The following ELF4 variants were observed in gnomAD, a reference collection of about 807,000 sequenced individuals.
The protein encoded by ELF4 is ETS-related transcription factor Elf-4.
In ELF4, 10 loss-of-function variants were observed where a neutral mutation model predicts 31.7. The observed-to-expected ratio is 0.32, with a 90% confidence interval of 0.19 to 0.54. ELF4 has a LOEUF of 0.54. ELF4 is among the 20% of genes least tolerant of loss of function. The pLI is 0.95. For synonymous variants in ELF4, 208 were observed against 226.7 expected, an observed-to-expected ratio of 0.92 and a Z score of 0.74; for missense variants, 418 against 522.0, an observed-to-expected ratio of 0.80 and a Z score of 1.94.
In ELF4 at chrX:130,072,387, T is replaced by G; in HGVS notation, c.371A>C (p.Asp124Ala). Residue 124 changes from aspartate to alanine, a missense_variant, in exon 5 of 9, where the codon GAC (aspartate) becomes GCC (alanine). By Grantham distance (126) the Asp-to-Ala change is moderately radical. Coordinates refer to ENST00000308167, the MANE Select transcript of ELF4 (RefSeq NM_001421.4). ...FSTSEMLPDSDPAPAVTLPNY... is the reference protein window; with the variant it reads ...FSTSEMLPDSAPAPAVTLPNY... ...GGGCAGAGTGACAGCTGGTGCAGGG[T>G]CCGAGTCTGGAAGCATTTCGGAGGT... 1 of 1,211,307 alleles carries G rather than the reference T, an allele frequency of 8.3e-7. No individual in the cohort carries two copies. The highest frequency in any genetic ancestry group is 1.1e-6 in the Non-Finnish European group (1 of 895,345).
intron 1 of ELF4, among the ~76,000 whole-genome samples, chrX:130,094,412 C>G (rs1328377660): frequency 9.5e-6 from 1 of 105,603 alleles, no homozygotes; most frequent in Admixed American, 1.0e-4. Context: ...CAAAACAAAA[C>G]AAAAATTAGC....
upstream of ELF4, among the ~76,000 whole-genome samples, chrX:130,111,002 G>T (rs1267034160): frequency 2.1e-5 from 2 of 97,422 alleles, no homozygotes; most frequent in Non-Finnish European, 4.2e-5. Flanking sequence ...ACTGCGGGCG[G>T]GCGGGGTGGG....
chrX:130,097,815 G>A (rs189777895), intron 1 of ELF4, among the ~76,000 whole-genome samples: 7 of 113,043 alleles, frequency 6.2e-5, no homozygotes, highest in Admixed American at 2.8e-4. Flanking sequence ...TTGCCTTCAT[G>A]GTGGAGGGAG....
intron 3 of ELF4, 35 bp downstream of exon 3, chrX:130,074,546 C>T (rs780506016): frequency 1.7e-6 from 2 of 1,211,303 alleles, no homozygotes; most frequent in South Asian, 3.5e-5. Flanking sequence ...GCCCCTTTTT[C>T]TACCACACCT....
rs191481278 is a variant in ELF4, at chrX:130,099,161, G to A, written c.-210+11164C>T. On this transcript the variant is annotated intron_variant, in intron 1 of 8. Coordinates refer to ENST00000308167, the MANE Select transcript of ELF4 (RefSeq NM_001421.4). ...GGCTATGTAACCACAGGCACGCCAC[G>A]TCACAGGGCTCTCGCAGCCTCGGGC... Among the ~76,000 whole-genome samples the A allele has an allele frequency of 8.0e-5, 9 of 112,320 alleles. No homozygotes were observed. In the East Asian group the frequency reaches 1.1e-3, roughly 14 times the overall value.
rs1229675353 is a variant in ELF4, at chrX:130,067,059, T to C, written c.1654A>G (p.Thr552Ala). Residue 552 changes from threonine to alanine, a missense_variant, in exon 9 of 9, where the codon ACG (threonine) becomes GCG (alanine). By Grantham distance (58) the Thr-to-Ala change is moderately conservative. This residue lies in a region of ELF4 where 260 missense variants were observed against 269.2 expected (regional missense o/e 0.97). Coordinates refer to ENST00000308167, the MANE Select transcript of ELF4 (RefSeq NM_001421.4). ...RSSSYVQGMV[T>A]GAPMEGLLVP... Reference sequence around the variant, plus strand: ...AGCAGCCCCTCCATGGGGGCCCCCGTCACCATACCCTGAACATAGGAGGAG... The same window carrying C: ...AGCAGCCCCTCCATGGGGGCCCCCGCCACCATACCCTGAACATAGGAGGAG... 2.5e-6 allele frequency: 3 copies of C among 1,210,368 alleles called. No homozygotes were observed. The African/African-American group carries it at 5.2e-5, about 21-fold the overall frequency.
intron 1 of ELF4, among the ~76,000 whole-genome samples, chrX:130,097,922 C>T (rs939339549): frequency 1.8e-5 from 2 of 112,731 alleles, no homozygotes; most frequent in African/African-American, 3.2e-5. Flanking sequence ...GGTTTCCCCC[C>T]TCTCCTGCCA....
rs192323914 is a variant in ELF4, at chrX:130,066,592, C to T, written c.*129G>A. 4,156 of 724,262 alleles carry T rather than the reference C, an allele frequency of 5.7e-3. 12 individuals are homozygous for T. The highest frequency in any genetic ancestry group is 7.7e-3 in the Non-Finnish European group (3,634 of 474,632). 59.7% of individuals were successfully genotyped at this position (724,262 alleles called of 1,213,427 possible). A position where few individuals can be genotyped will look rare whatever the true frequency, so the allele number is the denominator to read the frequency against. ...TGGCCACAGTGACACCAGGCAGGGCCGGGGGACTTGGGGTCAAGTGTATTG... is the reference window on the plus strand; with the variant it reads ...TGGCCACAGTGACACCAGGCAGGGCTGGGGGACTTGGGGTCAAGTGTATTG... On this transcript the variant is annotated 3_prime_UTR_variant, in exon 9 of 9. Coordinates refer to ENST00000308167, the MANE Select transcript of ELF4 (RefSeq NM_001421.4).
At chrX:130,108,208 CAA>C (rs1264200270) in intron 1 of ELF4, among the ~76,000 whole-genome samples, 2 of 88,041 alleles carry the variant, frequency 2.3e-5, no homozygotes, top group Non-Finnish European at 2.2e-5. Flanking sequence ...AACTCCATCT[CAA>C]AAAAAAAAAA....
At chrX:130,098,803 T>C (rs560223204) in intron 1 of ELF4, among the ~76,000 whole-genome samples, 1 of 112,001 alleles carries the variant, frequency 8.9e-6, no homozygotes, top group African/African-American at 3.2e-5. Context: ...CACTTTAGGC[T>C]ACATTTCTGA....
chrX:130,100,214 G>A (rs1203306760), intron 1 of ELF4, among the ~76,000 whole-genome samples: 1 of 111,879 alleles, frequency 8.9e-6, no homozygotes, highest in Non-Finnish European at 1.9e-5. Flanking sequence ...AAACCCACTT[G>A]ACTGGGAGTG....
chrX:130,066,713 C>T lies in ELF4; in HGVS notation c.*8G>A, dbSNP rs1932680229. 30 of 1,207,756 alleles carry T rather than the reference C, an allele frequency of 2.5e-5. No homozygotes were observed. Among genetic ancestry groups the T allele is most frequent in the Non-Finnish European group, 3.4e-5 (30 of 894,538 alleles). ...CCTGGTGGGTCACACTTGCCCTGAC[C>T]CCTTTGCTTATATGTCATGGGGCTC... On this transcript the variant is annotated 3_prime_UTR_variant, in exon 9 of 9. Transcript: ENST00000308167.
chrX:130,093,972 C>T (rs990256675), intron 1 of ELF4, among the ~76,000 whole-genome samples: 7 of 112,317 alleles, frequency 6.2e-5, no homozygotes. Context: ...TGGCTCACAC[C>T]TGTAATCCCA....
intron 1 of ELF4, among the ~76,000 whole-genome samples, chrX:130,084,184 C>G (rs1932929098): frequency 8.9e-6 from 1 of 112,398 alleles, no homozygotes; most frequent in Non-Finnish European, 1.9e-5. Context: ...GTCTGGCCAG[C>G]AAAGCCGCAA....
intron 1 of ELF4, among the ~76,000 whole-genome samples, chrX:130,102,853 T>TGAGAGA (rs748191970): frequency 8.5e-5 from 5 of 58,487 alleles, no homozygotes; most frequent in East Asian, 1.1e-3. Context: ...AAGATAAAGA[T>TGAGAGA]GAGAGAGAGA....
intron 1 of ELF4, among the ~76,000 whole-genome samples, chrX:130,082,208 G>A (rs757291800): frequency 9.1e-6 from 1 of 110,412 alleles, no homozygotes; most frequent in East Asian, 2.9e-4. Context: ...TATTGTGTGA[G>A]GACCAGCAGT....
chrX:130,079,222 G>A (rs1391944237), intron 2 of ELF4, among the ~76,000 whole-genome samples: 1 of 110,437 alleles, frequency 9.1e-6, no homozygotes, highest in Non-Finnish European at 1.9e-5. Context: ...CTTTGGGAGG[G>A]CGAGGCGGGT....
intron 2 of ELF4, among the ~76,000 whole-genome samples, 177 bp from the exon 3 acceptor site, chrX:130,074,929 T>C (rs1353072660): frequency 2.7e-5 from 3 of 111,074 alleles, no homozygotes; most frequent in Non-Finnish European, 3.8e-5. Context: ...GAGTGGGTTC[T>C]TGATGAATAG....
chrX:130,073,192 G>C (rs1020530528), intron 4 of ELF4, among the ~76,000 whole-genome samples: 2 of 111,983 alleles, frequency 1.8e-5, no homozygotes, highest in Non-Finnish European at 1.9e-5. Context: ...GGGTTCAAGC[G>C]ATTCTCCTGC....
Sources: gnomAD v4.1 joint callset for allele counts (sites outside exome capture counted in the v4.1 genomes callset) on GRCh38, gnomAD v4.1.1 for gene constraint, gnomAD v4.1.1 regional missense constraint, MANE v1.5 for transcripts, NCBI Gene and HGNC (gene_info 2026-07-23, HGNC 2026-07-21) for gene names.